Variants in PSD3 observed in about 807,000 individuals in gnomAD.
PSD3 encodes pleckstrin and Sec7 domain containing 3, also known as PH and SEC7 domain-containing protein 3.
Under a neutral mutation model 105.5 loss-of-function variants are expected in PSD3, and 49 were observed. That is an observed-to-expected ratio of 0.46 (90% CI 0.37 to 0.59). The LOEUF (loss-of-function observed/expected upper bound fraction) is 0.59, where lower values mean the gene tolerates loss of function less well. Ranked by LOEUF, PSD3 falls within the 20% of genes least tolerant of loss-of-function variation. The pLI is 0.00. For synonymous variants in PSD3, 557 were observed against 457.8 expected, an observed-to-expected ratio of 1.22 and a Z score of -2.77; for missense variants, 1,561 against 1,263.8, an observed-to-expected ratio of 1.24 and a Z score of -3.57.
At chr8:18,801,485 C>A in intron 6 of PSD3, 103 bp from the exon 7 acceptor site, 1 of 656,728 alleles carries the variant, frequency 1.5e-6, no homozygotes, top group Non-Finnish European at 2.6e-6. Context: ...ATTAATTATA[C>A]AAAGTAAGAT....
chr8:18,765,657 T>C (rs900761224), intron 8 of PSD3, 119 bp from the exon 9 acceptor site: 1 of 863,824 alleles, frequency 1.2e-6, no homozygotes, highest in African/African-American at 1.7e-5. Context: ...CCAGGTGCGG[T>C]GGCTCACGCC....
chr8:19,076,836 T>C (rs1392449838), intron 1 of PSD3, among the ~76,000 whole-genome samples: 1 of 152,050 alleles, frequency 6.6e-6, no homozygotes, highest in East Asian at 1.9e-4. Context: ...CAGCTACTGG[T>C]GCGACTCTTT....
intron 9 of PSD3, among the ~76,000 whole-genome samples, chr8:18,762,448 G>A (rs1806620151): frequency 6.6e-6 from 1 of 152,148 alleles, no homozygotes. Context: ...TCAGTATCAG[G>A]TATTTGTTTG....
At chr8:18,982,732 T>C (rs970698536) in intron 1 of PSD3, among the ~76,000 whole-genome samples, 2 of 152,230 alleles carry the variant, frequency 1.3e-5, no homozygotes, top group Non-Finnish European at 2.9e-5. Context: ...CCTCAACAGT[T>C]GGCTTCAAAT....
chr8:18,658,289 C>G lies in PSD3; in HGVS notation c.2173-2604G>C, dbSNP rs10096396. Among the ~76,000 whole-genome samples the G allele has an allele frequency of 3.0e-3, 453 of 152,294 alleles. 2 individuals carry two copies. Among genetic ancestry groups the G allele is most frequent in the African/African-American group, 0.01 (430 of 41,558 alleles). On this transcript the variant is annotated intron_variant, in intron 9 of 15. Coordinates refer to ENST00000327040, the MANE Select transcript of PSD3 (RefSeq NM_015310.4). ...TTCTTAATAAAAGGAAGACGCTTTACAAATGCATCCAAAACTTAAATACAC... is the reference window on the plus strand; with the variant it reads ...TTCTTAATAAAAGGAAGACGCTTTAGAAATGCATCCAAAACTTAAATACAC...
intron 9 of PSD3, among the ~76,000 whole-genome samples, chr8:18,742,334 A>G (rs1225785163): frequency 6.6e-6 from 1 of 152,164 alleles, no homozygotes; most frequent in African/African-American, 2.4e-5. Flanking sequence ...CGGGCCTTAA[A>G]TTTGCTACGT....
intron 8 of PSD3, among the ~76,000 whole-genome samples, chr8:18,766,351 C>T (rs1238151204): frequency 6.6e-6 from 1 of 152,012 alleles, no homozygotes; most frequent in Non-Finnish European, 1.5e-5. Flanking sequence ...AAAAACAAAG[C>T]AACCACAGGT....
At chr8:18,788,772 G>C (rs1809426009) in intron 8 of PSD3, among the ~76,000 whole-genome samples, 1 of 152,124 alleles carries the variant, frequency 6.6e-6, no homozygotes, top group African/African-American at 2.4e-5. Flanking sequence ...ACAATAAATG[G>C]TGGAAAGGCA....
At chr8:18,941,601 C>T (rs1019395698) in intron 1 of PSD3, among the ~76,000 whole-genome samples, 9 of 151,676 alleles carry the variant, frequency 5.9e-5, no homozygotes, top group South Asian at 4.2e-4. Flanking sequence ...TTATCCAACT[C>T]GCAACATTAC....
chr8:18,994,422 T>G (rs1364958926), intron 1 of PSD3, among the ~76,000 whole-genome samples: 1 of 152,112 alleles, frequency 6.6e-6, no homozygotes. Context: ...CAGCAAATCA[T>G]GTGTTGGTAT....
At chr8:18,816,185 C>T (rs1298129436) in intron 4 of PSD3, among the ~76,000 whole-genome samples, 1 of 152,134 alleles carries the variant, frequency 6.6e-6, no homozygotes. Context: ...TTTGTCTTAA[C>T]ATATTTTTAT....
At chr8:18,540,869 C>T (rs572553071) in intron 15 of PSD3, among the ~76,000 whole-genome samples, 42 of 152,268 alleles carry the variant, frequency 2.8e-4, no homozygotes, top group South Asian at 4.2e-4. Context: ...ACCCCTTTCC[C>T]GTGGCCCAGT....
chr8:18,997,531 A>G (rs1826145530), intron 1 of PSD3, among the ~76,000 whole-genome samples: 1 of 151,968 alleles, frequency 6.6e-6, no homozygotes. Context: ...ATGTCCTCCA[A>G]GAACATCAGC....
intron 1 of PSD3, among the ~76,000 whole-genome samples, chr8:19,083,153 C>T (rs1829696331): frequency 6.6e-6 from 1 of 152,174 alleles, no homozygotes; most frequent in Admixed American, 6.5e-5. Context: ...CTCCCTCTTC[C>T]TTCCGTCTCA....
chr8:18,790,542 T>C (rs1309469587), intron 8 of PSD3, among the ~76,000 whole-genome samples: 5 of 152,106 alleles, frequency 3.3e-5, no homozygotes, highest in African/African-American at 9.7e-5. Flanking sequence ...GACCTCGTGA[T>C]CTGCCCACCT....
chr8:18,745,068 G>T (rs562876425), intron 9 of PSD3, among the ~76,000 whole-genome samples: 40 of 152,332 alleles, frequency 2.6e-4, no homozygotes, highest in African/African-American at 9.6e-4. Flanking sequence ...GAGGCTTCAT[G>T]ATGTTGAGAT....
chr8:18,649,818 T>A (rs1025833557), intron 10 of PSD3, among the ~76,000 whole-genome samples: 6 of 152,178 alleles, frequency 3.9e-5, no homozygotes, highest in African/African-American at 1.4e-4. Flanking sequence ...GAGATCTGGT[T>A]GTTTAAAAGT....
intron 2 of PSD3, among the ~76,000 whole-genome samples, chr8:18,909,981 T>C (rs1297359256): frequency 6.6e-6 from 1 of 152,140 alleles, no homozygotes; most frequent in Non-Finnish European, 1.5e-5. Flanking sequence ...TGGTGCCCAA[T>C]TATAACAGAG....
At chr8:19,051,910 T>G (rs1264761131) in intron 1 of PSD3, among the ~76,000 whole-genome samples, 1 of 152,200 alleles carries the variant, frequency 6.6e-6, no homozygotes, top group East Asian at 1.9e-4. Flanking sequence ...GGTAGATTAA[T>G]TAACTCCAGG....
Sources: allele counts gnomAD v4.1 joint callset (sites outside exome capture counted in the v4.1 genomes callset), GRCh38; gene constraint gnomAD v4.1.1; transcripts MANE v1.5; gene names NCBI Gene and HGNC (gene_info 2026-07-23, HGNC 2026-07-21).